SUSD4: variants seen among roughly 807,000 people sequenced by gnomAD.
SUSD4 encodes the protein sushi domain-containing protein 4.
SUSD4 carries 41 observed loss-of-function variants against 50.5 expected under a neutral mutation model. The observed-to-expected ratio is 0.81, with a 90% CI of 0.63 to 1.05. The LOEUF (loss-of-function observed/expected upper bound fraction) is 1.05, where lower values mean the gene tolerates loss of function less well. Among genes scored for constraint, SUSD4 ranks in the 50% least tolerant of loss-of-function variants. The pLI is 0.00. For missense variants in SUSD4, 580 were observed against 634.7 expected (o/e 0.91, Z 0.93); for synonymous variants, 257 against 257.3 (o/e 1.00, Z 0.01).
At chr1:223,274,667 G>A (rs1204036041) in intron 3 of SUSD4, among the ~76,000 whole-genome samples, 3 of 152,156 alleles carry the variant, frequency 2.0e-5, no homozygotes, top group Non-Finnish European at 4.4e-5. Flanking sequence ...TAGTAGATTC[G>A]TATTTCATTA....
intron 3 of SUSD4, among the ~76,000 whole-genome samples, chr1:223,291,483 T>G (rs1237545893): frequency 2.3e-5 from 2 of 87,144 alleles, no homozygotes; most frequent in African/African-American, 8.5e-5. Context: ...AGGGAGACAC[T>G]GTCTCAAAAA....
chr1:223,295,366 C>T (rs1280897475), intron 2 of SUSD4, among the ~76,000 whole-genome samples: 1 of 152,206 alleles, frequency 6.6e-6, no homozygotes, highest in Non-Finnish European at 1.5e-5. Flanking sequence ...ACGTTTCTGG[C>T]TATCCATAGG....
In SUSD4 at chr1:223,234,000, T is replaced by C. The variant is rs528330171; in HGVS notation, c.725-4612A>G. On this transcript the variant is annotated intron_variant, in intron 5 of 8. Coordinates refer to ENST00000366878, the MANE Select transcript of SUSD4 (RefSeq NM_017982.4). ...AGGTGTGAAGTCTCTGTTCCTTGTT[T>C]CATGACAGAGGGTTACGGCTCTTTT... Among the ~76,000 whole-genome samples the C allele has an allele frequency of 3.9e-5, 6 of 152,336 alleles. No individual in the cohort carries two copies. The East Asian group carries it at 1.2e-3, about 29-fold the overall frequency.
intron 2 of SUSD4, among the ~76,000 whole-genome samples, chr1:223,295,056 C>T (rs985587048): frequency 4.6e-5 from 7 of 152,086 alleles, no homozygotes; most frequent in Admixed American, 1.3e-4. Context: ...CATATATTCA[C>T]GATGGTACTG....
intron 2 of SUSD4, among the ~76,000 whole-genome samples, chr1:223,350,651 AGG>A (rs1301299028): frequency 3.9e-5 from 6 of 152,230 alleles, no homozygotes; most frequent in Admixed American, 2.0e-4. Context: ...ATACAGTAGC[AGG>A]TCTTAGCTGT....
At chr1:223,291,308 C>T (rs1664473094) in intron 3 of SUSD4, among the ~76,000 whole-genome samples, 1 of 151,746 alleles carries the variant, frequency 6.6e-6, no homozygotes. Context: ...ACCTGGGCAA[C>T]ATGGTGAAAC....
At chr1:223,240,643 G>A (rs1383383774) in intron 5 of SUSD4, among the ~76,000 whole-genome samples, 1 of 151,666 alleles carries the variant, frequency 6.6e-6, no homozygotes. Flanking sequence ...TTTCTTTTTG[G>A]CTCTTTCTTA....
intron 2 of SUSD4, among the ~76,000 whole-genome samples, chr1:223,324,098 A>G (rs1472556535): frequency 2.0e-5 from 3 of 149,756 alleles, no homozygotes; most frequent in South Asian, 2.2e-4. Context: ...ACTGCAATGC[A>G]TAAGTTTCAA....
At chr1:223,279,348 T>A (rs1375649696) in intron 3 of SUSD4, among the ~76,000 whole-genome samples, 1 of 152,150 alleles carries the variant, frequency 6.6e-6, no homozygotes, top group Admixed American at 6.5e-5. Context: ...AATGGCTAAC[T>A]AGAATAACCA....
At position 223,222,093 on chromosome 1, in the gene SUSD4, G is replaced by C; in HGVS notation, c.*99C>G. 1 of 1,261,266 alleles carries C rather than the reference G, an allele frequency of 7.9e-7. No homozygotes were observed. 78.1% of individuals were successfully genotyped at this position (1,261,266 alleles called of 1,614,324 possible). A position where few individuals can be genotyped will look rare whatever the true frequency, so the allele number is the denominator to read the frequency against. On this transcript the variant is annotated 3_prime_UTR_variant, in exon 9 of 9. Coordinates refer to ENST00000366878, the MANE Select transcript of SUSD4 (RefSeq NM_017982.4). The stretch of plus-strand genomic sequence containing the variant: ...CTGTGGTCCCCATGTAGACAAGTTA[G>C]ACATTTTGCCCCCAGGCTCTATCCT...
chr1:223,228,664 C>G (rs1212675435), intron 6 of SUSD4, among the ~76,000 whole-genome samples: 1 of 152,130 alleles, frequency 6.6e-6, no homozygotes, highest in Non-Finnish European at 1.5e-5. Context: ...CAAGTGAGAG[C>G]AGGTGTTACC....
intron 5 of SUSD4, among the ~76,000 whole-genome samples, chr1:223,246,741 G>A (rs1660960865): frequency 6.6e-6 from 1 of 152,166 alleles, no homozygotes; most frequent in Admixed American, 6.6e-5. Context: ...TCCGAATGAA[G>A]TGTGAGGCAA....
chr1:223,274,190 A>C (rs1663106368), intron 3 of SUSD4, among the ~76,000 whole-genome samples: 1 of 152,166 alleles, frequency 6.6e-6, no homozygotes, highest in South Asian at 2.1e-4. Flanking sequence ...CTCAGAGCAC[A>C]CTGTCCCAAC....
chr1:223,330,192 G>A (rs1257509485), intron 2 of SUSD4, among the ~76,000 whole-genome samples: 1 of 152,126 alleles, frequency 6.6e-6, no homozygotes, highest in Non-Finnish European at 1.5e-5. Context: ...GTTCTCAGCT[G>A]GGGAGGTTTT....
rs1204634799 is a variant in SUSD4 at position 223,223,150 on chromosome 1, T to C, written c.1444+99A>G. ...AGAGGTAAACAGATTGATTCGACTC[T>C]GTGCTGGGGGGTGGAGCGTGCGTAG... On this transcript the variant is annotated intron_variant, in intron 8 of 8. Coordinates refer to ENST00000366878, the MANE Select transcript of SUSD4 (RefSeq NM_017982.4). 4 of 1,443,176 alleles carry C rather than the reference T, an allele frequency of 2.8e-6. No individual in the cohort carries two copies. In the East Asian group the frequency reaches 9.5e-5, roughly 34 times the overall value. 89.4% of individuals were successfully genotyped at this position (1,443,176 alleles called of 1,614,324 possible).
chr1:223,281,574 T>G (rs556100780), intron 3 of SUSD4, among the ~76,000 whole-genome samples: 10 of 152,200 alleles, frequency 6.6e-5, no homozygotes, highest in African/African-American at 2.2e-4. Context: ...AATAACAGGC[T>G]CTGAAATTGA....
Position 223,286,111 on chromosome 1 carries a change from A to ATTTTTTGT in SUSD4, c.361+6320_361+6327dup, listed in dbSNP as rs370993777. On this transcript the variant is annotated intron_variant, in intron 3 of 8. Coordinates refer to ENST00000366878, the MANE Select transcript of SUSD4 (RefSeq NM_017982.4). The stretch of plus-strand genomic sequence containing the variant: ...AGGTGTACACCACCATGCCTGGCTA[A>ATTTTTTGT]TTTTTTGTTTTTTTGTTTTTTTGAG... Among the ~76,000 whole-genome samples the ATTTTTTGT allele has an allele frequency of 5.3e-3, 810 of 152,126 alleles. 43 individuals are homozygous for ATTTTTTGT. The East Asian group carries it at 0.11, about 22-fold the overall frequency.
chr1:223,338,394 T>C lies in SUSD4; in HGVS notation c.148+24884A>G, dbSNP rs545239117. ...AACTGAAAAAATGAAAGAAACAAAA[T>C]GGGGGAAGCGGCCAAGACTGAGGCA... On this transcript the variant is annotated intron_variant, in intron 2 of 8. Transcript: ENST00000366878. 7.9e-5 allele frequency among the ~76,000 whole-genome samples: 12 copies of C among 152,040 alleles called. No homozygotes were observed. The South Asian group carries it at 2.3e-3, about 29-fold the overall frequency.
chr1:223,264,048 C>CA (rs1328112340), intron 5 of SUSD4: 1 of 985,344 alleles, frequency 1.0e-6, no homozygotes, highest in Admixed American at 6.1e-5. Context: ...TTTTCCCCTG[C>CA]AGACACTGCC....
Sources: allele counts gnomAD v4.1 joint callset (sites outside exome capture counted in the v4.1 genomes callset), GRCh38; gene constraint gnomAD v4.1.1; transcripts MANE v1.5; gene names NCBI Gene and HGNC (gene_info 2026-07-23, HGNC 2026-07-21).